The following DMXL1 variants were observed in gnomAD, a reference collection of about 807,000 sequenced individuals.
The protein encoded by DMXL1 is Dmx like 1, also known as dmX-like protein 1.
DMXL1 carries 99 observed loss-of-function variants against 319.2 expected under a neutral mutation model. The ratio of observed to expected loss-of-function variants is 0.31; its 90% CI spans 0.26 to 0.37. The LOEUF (loss-of-function observed/expected upper bound fraction) is 0.37, where lower values mean the gene tolerates loss of function less well. Ranked by LOEUF, DMXL1 falls within the 10% of genes least tolerant of loss-of-function variation. DMXL1 has a pLI of 1.00. For synonymous variants in DMXL1, 1,385 were observed against 1,235.2 expected, an observed-to-expected ratio of 1.12 and a Z score of -2.54; for missense variants, 3,745 against 3,595.6, an observed-to-expected ratio of 1.04 and a Z score of -1.06.
intron 19 of DMXL1, among the ~76,000 whole-genome samples, chr5:119,158,355 ATTAG>A (rs1300753317): frequency 1.3e-5 from 2 of 151,978 alleles, no homozygotes; most frequent in East Asian, 1.9e-4. Context: ...GTAGTTGTTT[ATTAG>A]TTCTAACTGT....
At chr5:119,102,052 G>A (rs1270062084) in intron 3 of DMXL1, 46 bp downstream of exon 3, 3 of 1,255,968 alleles carry the variant, frequency 2.4e-6, no homozygotes, top group Non-Finnish European at 3.4e-6. Flanking sequence ...AATGTTTTAA[G>A]TATTGAAAGA....
In DMXL1 at chr5:119,129,193, C is replaced by CT. The variant is rs773694524; in HGVS notation, c.1103-10dup. 3.0e-5 allele frequency: 45 copies of CT among 1,493,738 alleles called. No homozygotes were observed. The highest frequency in any genetic ancestry group is 1.8e-4 in the Middle Eastern group (1 of 5,574). The allele number at this position is 1,493,738 out of a possible 1,614,324, so 92.5% of individuals were successfully genotyped here. A position where few individuals can be genotyped will look rare whatever the true frequency, so the allele number is the denominator to read the frequency against. ...TAGAAGGTAAAAATTTTAATTTTAT[C>CT]TTTTTTTTCTCTTATAGACATTCCA... On this transcript the variant is annotated splice_polypyrimidine_tract_variant and intron_variant, in intron 9 of 43. Coordinates refer to ENST00000539542, the MANE Select transcript of DMXL1 (RefSeq NM_001290321.3).
intron 15 of DMXL1, among the ~76,000 whole-genome samples, chr5:119,145,071 C>T (rs1487287789): frequency 2.0e-5 from 3 of 151,714 alleles, no homozygotes; most frequent in Admixed American, 1.3e-4. Flanking sequence ...ATGTTAAACT[C>T]CTCTCATCAA....
intron 3 of DMXL1, chr5:119,102,284 C>T: frequency 3.9e-6 from 1 of 257,682 alleles, no homozygotes; most frequent in Admixed American, 5.3e-5. Context: ...AAGTTTGGCA[C>T]TACTTTATTG....
chr5:119,114,432 TTA>T (rs751249236), intron 5 of DMXL1, 41 bp from the exon 6 acceptor site: 49 of 1,400,754 alleles, frequency 3.5e-5, no homozygotes, highest in Non-Finnish European at 4.8e-5. Context: ...CTTTTTCTTT[TTA>T]GTTTTCATTG....
chr5:119,187,118 T>C (rs1450335902), intron 28 of DMXL1, among the ~76,000 whole-genome samples: 1 of 152,184 alleles, frequency 6.6e-6, no homozygotes, highest in Non-Finnish European at 1.5e-5. Flanking sequence ...CTGAAACTTA[T>C]TTTTAAAATT....
chr5:119,136,219 A>T (rs1362961234), intron 13 of DMXL1, among the ~76,000 whole-genome samples: 1 of 152,202 alleles, frequency 6.6e-6, no homozygotes, highest in Non-Finnish European at 1.5e-5. Context: ...TGAACTTGAG[A>T]GATGATTTAG....
intron 26 of DMXL1, among the ~76,000 whole-genome samples, chr5:119,176,030 C>T (rs1775735820): frequency 6.6e-6 from 1 of 151,974 alleles, no homozygotes; most frequent in African/African-American, 2.4e-5. Context: ...CTCCTATATT[C>T]CATTTCTTTA....
intron 38 of DMXL1, among the ~76,000 whole-genome samples, chr5:119,229,064 C>T (rs1383684991): frequency 3.4e-5 from 5 of 147,874 alleles, no homozygotes; most frequent in South Asian, 4.3e-4. Context: ...TCTGTAATCC[C>T]ACCTCTTAGG....
intron 18 of DMXL1, among the ~76,000 whole-genome samples, chr5:119,150,769 A>G (rs911900670): frequency 2.6e-5 from 4 of 152,006 alleles, no homozygotes; most frequent in African/African-American, 9.7e-5. Flanking sequence ...AGCCTGGACA[A>G]TAGAGCAAGA....
intron 19 of DMXL1, among the ~76,000 whole-genome samples, chr5:119,163,238 T>C (rs2150216463): frequency 6.6e-6 from 1 of 152,312 alleles, no homozygotes; most frequent in Middle Eastern, 3.4e-3. Flanking sequence ...TTATTTGCAT[T>C]TTTTACATAC....
At chr5:119,161,408 G>A (rs570666072) in intron 19 of DMXL1, among the ~76,000 whole-genome samples, 2 of 151,168 alleles carry the variant, frequency 1.3e-5, no homozygotes, top group African/African-American at 4.8e-5. Flanking sequence ...CAGGGTTGCA[G>A]GCTGGCCCCG....
intron 9 of DMXL1, among the ~76,000 whole-genome samples, chr5:119,121,709 A>G (rs1441944582): frequency 6.6e-6 from 1 of 152,180 alleles, no homozygotes; most frequent in South Asian, 2.1e-4. Flanking sequence ...CAACCATCCG[A>G]TTTCTCAATC....
chr5:119,105,350 T>TTC (rs1758104178), intron 4 of DMXL1, 92 bp downstream of exon 4: 1 of 1,017,054 alleles, frequency 9.8e-7, no homozygotes, highest in South Asian at 1.4e-5. Flanking sequence ...TTCTGCTGGG[T>TTC]GTGAGGTTGT....
chr5:119,108,807 T>C (rs1458137228), intron 4 of DMXL1, among the ~76,000 whole-genome samples: 1 of 152,080 alleles, frequency 6.6e-6, no homozygotes, highest in African/African-American at 2.4e-5. Context: ...GAATTTTTTT[T>C]CCTTTTTTTT....
chr5:119,132,031 T>C (rs1765018303), intron 10 of DMXL1, among the ~76,000 whole-genome samples: 1 of 152,238 alleles, frequency 6.6e-6, no homozygotes, highest in African/African-American at 2.4e-5. Flanking sequence ...GATCTGGGCA[T>C]ATTGTACAAT....
At chr5:119,233,050 A>G (rs966848913) in intron 38 of DMXL1, among the ~76,000 whole-genome samples, 16 of 151,926 alleles carry the variant, frequency 1.1e-4, no homozygotes, top group African/African-American at 3.9e-4. Context: ...ATTATAAAAA[A>G]TAAAAGGCTG....
intron 19 of DMXL1, among the ~76,000 whole-genome samples, chr5:119,159,598 G>A (rs903947497): frequency 1.3e-5 from 2 of 152,212 alleles, no homozygotes; most frequent in South Asian, 2.1e-4. Flanking sequence ...GTGTCTCTTC[G>A]TTAACTTCTA....
chr5:119,238,925 A>G (rs995793138), intron 40 of DMXL1, 64 bp from the exon 41 acceptor site: 13 of 1,590,032 alleles, frequency 8.2e-6, no homozygotes, highest in Middle Eastern at 1.7e-4. Flanking sequence ...TTCGAAGAAT[A>G]CATTTACCTG....
Sources: gnomAD v4.1 joint callset for allele counts (sites outside exome capture counted in the v4.1 genomes callset) on GRCh38, gnomAD v4.1.1 for gene constraint, MANE v1.5 for transcripts, NCBI Gene and HGNC (gene_info 2026-07-23, HGNC 2026-07-21) for gene names.